RP1: variants seen among roughly 807,000 people sequenced by gnomAD.
RP1 encodes oxygen-regulated protein 1.
In RP1, 16 loss-of-function variants were observed where a neutral mutation model predicts 14.8. The ratio of observed to expected loss-of-function variants is 1.08; its 90% CI spans 0.73 to 1.65. The LOEUF is 1.65. Ranked by LOEUF, RP1 falls within the 40% of genes most tolerant of loss-of-function variation. RP1 has a pLI of 0.00. For missense variants in RP1, 2,631 were observed against 2,535.0 expected, an observed-to-expected ratio of 1.04 and a Z score of -0.81; for synonymous variants, 876 against 883.6, an observed-to-expected ratio of 0.99 and a Z score of 0.15.
At chr8:54,753,396 T>A (rs369080271) in intron 19 of RP1, among the ~76,000 whole-genome samples, 14 of 152,316 alleles carry the variant, frequency 9.2e-5, no homozygotes, top group African/African-American at 3.4e-4. Context: ...ATATTAGCTG[T>A]TAAATCATCA....
upstream of RP1, among the ~76,000 whole-genome samples, chr8:54,614,663 A>G (rs896356226): frequency 1.3e-5 from 2 of 152,202 alleles, no homozygotes; most frequent in Non-Finnish European, 2.9e-5. Context: ...AACGTATACT[A>G]CGGGAGATGC....
intron 24 of RP1, among the ~76,000 whole-genome samples, chr8:54,814,606 C>T (rs1387007903): frequency 6.6e-6 from 1 of 152,184 alleles, no homozygotes; most frequent in Non-Finnish European, 1.5e-5. Flanking sequence ...AATTTAGTCT[C>T]CCAATTTGCC....
chr8:54,759,766 T>C (rs1373258765), intron 22 of RP1, among the ~76,000 whole-genome samples: 1 of 152,190 alleles, frequency 6.6e-6, no homozygotes, highest in African/African-American at 2.4e-5. Context: ...TGGGCAATCA[T>C]GTTTATTGTT....
At chr8:54,773,585 C>A (rs2129376276), downstream of RP1, among the ~76,000 whole-genome samples, 1 of 152,172 alleles carries the variant, frequency 6.6e-6, no homozygotes, top group South Asian at 2.1e-4. Context: ...TGCAGTGAAC[C>A]TACATGGCAC....
chr8:54,738,993 T>TAGGATAAGATAAGGATA lies in RP1; in HGVS notation c.2772_2773insAGGATAAGATAAGGATA (p.Gly925ArgfsTer4). 6.5e-7 allele frequency: 1 copy of TAGGATAAGATAAGGATA among 1,531,772 alleles called. No homozygotes were observed. Among genetic ancestry groups the TAGGATAAGATAAGGATA allele is most frequent in the Admixed American group, 2.0e-5 (1 of 50,788 alleles). The allele number at this position is 1,531,772 out of a possible 1,614,324, so 94.9% of individuals were successfully genotyped here. A position where few individuals can be genotyped will look rare whatever the true frequency, so the allele number is the denominator to read the frequency against. On this transcript the variant is annotated stop_gained and frameshift_variant, in exon 19 of 23. Transcript: ENST00000636932. LOFTEE classifies it high-confidence loss of function. ...TATATAAGATAAGGATAGGACATGA[T>TAGGATAAGATAAGGATA]GGAACCAGTGAGCAACCCGAGTGGA...
At chr8:54,610,381 CTATT>C (rs552838523) in intron 1 of RP1, among the ~76,000 whole-genome samples, 88 of 152,328 alleles carry the variant, frequency 5.8e-4, no homozygotes, top group African/African-American at 1.9e-3. Context: ...ATTCTCTTCT[CTATT>C]TACACTCACT....
At chr8:54,567,977 A>C (rs1804442379) in intron 1 of RP1, among the ~76,000 whole-genome samples, 1 of 152,218 alleles carries the variant, frequency 6.6e-6, no homozygotes, top group Non-Finnish European at 1.5e-5. Flanking sequence ...TCATTAAAAA[A>C]TGTGAAATAT....
At position 54,624,996 on chromosome 8, in the gene RP1, A is replaced by G. The variant is rs770732193; in HGVS notation, c.1114A>G (p.Arg372Gly). ...DEKSEMSFPG[R>G]TESRSSGLKL... ...AAAGAGTGAGATGAGTTTTCCAGGA[A>G]GAACAGAAAGTCGATCATCTGGTTT... Residue 372 changes from arginine (R) to glycine (G), a missense_variant, in exon 4 of 4, where the codon AGA becomes GGA. By Grantham distance (125) the Arg-to-Gly change is moderately radical (BLOSUM62 -2). Transcript: ENST00000220676. The G allele has an allele frequency of 1.2e-6, 2 of 1,614,216 alleles. No homozygotes were observed. Among genetic ancestry groups the G allele is most frequent in the Non-Finnish European group, 1.7e-6 (2 of 1,180,032 alleles).
At chr8:54,825,081 T>C (rs976891225) in intron 24 of RP1, among the ~76,000 whole-genome samples, 8 of 152,134 alleles carry the variant, frequency 5.3e-5, no homozygotes, top group African/African-American at 1.7e-4. Context: ...GCCATTCTCC[T>C]GCCTCAGCCT....
rs531648851 is a variant in RP1 at position 54,851,932 on chromosome 8, C to A, written c.3836-642C>A. Among the ~76,000 whole-genome samples the A allele has an allele frequency of 1.4e-4, 21 of 152,222 alleles. No individual in the cohort carries two copies. The South Asian group carries it at 4.4e-3, about 32-fold the overall frequency. On this transcript the variant is annotated intron_variant, in intron 25 of 28. Coordinates refer to the RP1 transcript ENST00000637698. The stretch of plus-strand genomic sequence containing the variant: ...TTGGAATAAAAAGTACTCATTGTAT[C>A]CCAGATATTATTCTTACTAGTAATA...
chr8:54,806,814 C>A (rs1269718160), intron 24 of RP1, among the ~76,000 whole-genome samples: 1 of 152,034 alleles, frequency 6.6e-6, no homozygotes, highest in African/African-American at 2.4e-5. Context: ...ACATTTAGTA[C>A]CTCAAGGGGA....
rs976461041 is a variant in RP1 at position 54,627,388 on chromosome 8, A to G, written c.3506A>G (p.His1169Arg). The G allele has an allele frequency of 6.2e-7, 1 of 1,614,088 alleles. No homozygotes were observed. The highest frequency in any genetic ancestry group is 1.3e-5 in the African/African-American group (1 of 74,960). Residue 1169 changes from histidine (H) to arginine (R), a missense_variant, in exon 4 of 4, where the codon CAC (histidine) becomes CGC (arginine). Transcript: ENST00000220676. Reference protein sequence around the residue: ...ETLALLEILKHIAITEEADDL... With the variant: ...ETLALLEILKRIAITEEADDL... ...CTTGCATTGTTGGAGATTCTAAAGCACATAGCTATCACAGAGGAAGCTGAT... is the reference window on the plus strand; with the variant it reads ...CTTGCATTGTTGGAGATTCTAAAGCGCATAGCTATCACAGAGGAAGCTGAT...
At chr8:54,665,584 G>T (rs2129330478) in intron 7 of RP1, among the ~76,000 whole-genome samples, 1 of 152,278 alleles carries the variant, frequency 6.6e-6, no homozygotes, top group South Asian at 2.1e-4. Context: ...CACTCACTCT[G>T]CATTAAGCTG....
At chr8:54,769,000 C>T (rs1809835646) in intron 22 of RP1, among the ~76,000 whole-genome samples, 1 of 151,718 alleles carries the variant, frequency 6.6e-6, no homozygotes, top group African/African-American at 2.4e-5. Context: ...AGGTTCACGC[C>T]TTCTCCTGCC....
chr8:54,559,483 A>G (rs1804235451), intron 1 of RP1, among the ~76,000 whole-genome samples: 1 of 152,178 alleles, frequency 6.6e-6, no homozygotes, highest in Admixed American at 6.5e-5. Context: ...AAGATGGTAA[A>G]GCAAGCAGTG....
At chr8:54,756,645 G>A (rs1053750896) in intron 21 of RP1, among the ~76,000 whole-genome samples, 2 of 152,142 alleles carry the variant, frequency 1.3e-5, no homozygotes, top group African/African-American at 2.4e-5. Context: ...TTTAGATGCC[G>A]TGGTATTATT....
chr8:54,629,502 GC>G lies in RP1; in HGVS notation c.5621del (p.Ala1874ValfsTer23), dbSNP rs780775166. ...CTSVTHSFIS[A>X]GNKVYPVSDD... Reference sequence around the variant, plus strand: ...ATCTGTCACTCATTCCTTTATTTCTGCTGGTAACAAAGTCTACCCTGTCTCT... The same window carrying G: ...ATCTGTCACTCATTCCTTTATTTCTGTGGTAACAAAGTCTACCCTGTCTCT... On this transcript the variant is annotated frameshift_variant, in exon 4 of 4. Coordinates refer to ENST00000220676, the MANE Select transcript of RP1 (RefSeq NM_006269.2). LOFTEE classifies it low-confidence loss of function (END_TRUNC). 1 of 1,614,030 alleles carries G rather than the reference GC, an allele frequency of 6.2e-7. No homozygotes were observed. Among genetic ancestry groups the G allele is most frequent in the South Asian group, 1.1e-5 (1 of 91,058 alleles).
chr8:54,621,410 C>A lies in RP1; in HGVS notation c.444C>A (p.Gly148=). The A allele has an allele frequency of 6.2e-7, 1 of 1,613,270 alleles. No homozygotes were observed. The highest frequency in any genetic ancestry group is 2.2e-5 in the East Asian group (1 of 44,866). The change falls in exon 2 of 4, where the codon GGC becomes GGA. Residue 148 remains glycine (G), a synonymous_variant. Transcript: ENST00000220676. ...ACCCCGTAGCCGTCGCTGCTCCCGG[C>A]ATGCCCCGCCCCCCACGGAGCCTAG... is the stretch of plus-strand genomic sequence containing the variant. ...PPHPVAVAAP[G]MPRPPRSLVV...
chr8:54,644,375 CAG>C (rs1444353334), intron 3 of RP1, among the ~76,000 whole-genome samples: 1 of 152,164 alleles, frequency 6.6e-6, no homozygotes, highest in Admixed American at 6.5e-5. Flanking sequence ...CTCTGGCCCT[CAG>C]AGTCATTTGT....
Sources: gnomAD v4.1 joint callset for allele counts (sites outside exome capture counted in the v4.1 genomes callset) on GRCh38, gnomAD v4.1.1 for gene constraint, MANE v1.5 for transcripts, NCBI Gene and HGNC (gene_info 2026-07-23, HGNC 2026-07-21) for gene names.